CSNK1G3: variants seen among roughly 807,000 people sequenced by gnomAD.
CSNK1G3 encodes the protein casein kinase 1 gamma 3.
Under a neutral mutation model 64.3 loss-of-function variants are expected in CSNK1G3, and 23 were observed. The observed-to-expected ratio is 0.36, with a 90% CI of 0.26 to 0.51. The LOEUF (loss-of-function observed/expected upper bound fraction) is 0.51, where lower values mean the gene tolerates loss of function less well. CSNK1G3 is among the 20% of genes least tolerant of loss of function. The probability of loss-of-function intolerance (pLI) is 0.96; values close to 1 mark genes in which losing one functional copy is unlikely to be tolerated. For missense variants in CSNK1G3, 357 were observed against 510.5 expected (o/e 0.70, Z 2.90); for synonymous variants, 158 against 162.2 (o/e 0.97, Z 0.20).
At chr5:123,603,663 A>G (rs1794864607) in intron 10 of CSNK1G3, among the ~76,000 whole-genome samples, 1 of 152,146 alleles carries the variant, frequency 6.6e-6, no homozygotes, top group Admixed American at 6.6e-5. Context: ...GTGTGATAGA[A>G]AAGGCCTGTC....
chr5:123,555,663 T>G (rs1227527837), intron 3 of CSNK1G3, among the ~76,000 whole-genome samples: 3 of 152,276 alleles, frequency 2.0e-5, no homozygotes, highest in Admixed American at 6.5e-5. Flanking sequence ...TTATATCTTG[T>G]TGTACATGAA....
chr5:123,526,689 T>G (rs1409666737), intron 1 of CSNK1G3, among the ~76,000 whole-genome samples: 1 of 152,218 alleles, frequency 6.6e-6, no homozygotes, highest in East Asian at 1.9e-4. Flanking sequence ...GATTCTGGCT[T>G]CTTTCACTTT....
At chr5:123,542,849 AGTGTGTGTGTGTGTGT>A (rs66645709) in intron 1 of CSNK1G3, among the ~76,000 whole-genome samples, 7 of 134,848 alleles carry the variant, frequency 5.2e-5, no homozygotes, top group Non-Finnish European at 1.1e-4. Flanking sequence ...GCCTAGATTT[AGTGTGTGTGTGTGTGT>A]GTGTGTGTGT....
At chr5:123,533,232 C>G (rs1780226897) in intron 1 of CSNK1G3, among the ~76,000 whole-genome samples, 1 of 151,876 alleles carries the variant, frequency 6.6e-6, no homozygotes, top group South Asian at 2.1e-4. Context: ...TTTACCTTAC[C>G]TATTTCCCAT....
chr5:123,545,114 T>C (rs796870406), intron 1 of CSNK1G3, among the ~76,000 whole-genome samples: 26 of 152,278 alleles, frequency 1.7e-4, no homozygotes, highest in African/African-American at 6.0e-4. Context: ...TTTTGTCTAA[T>C]TGAGGTAATT....
chr5:123,599,396 A>G (rs1233022558), intron 10 of CSNK1G3, among the ~76,000 whole-genome samples: 1 of 152,232 alleles, frequency 6.6e-6, no homozygotes, highest in Non-Finnish European at 1.5e-5. Context: ...TGTTGAGGAA[A>G]ACGAAAGAAT....
chr5:123,613,125 A>T (rs1007405137), intron 12 of CSNK1G3, among the ~76,000 whole-genome samples: 7 of 151,418 alleles, frequency 4.6e-5, no homozygotes, highest in African/African-American at 1.7e-4. Context: ...AAAATGCCAT[A>T]CCTTCATGCC....
intron 3 of CSNK1G3, among the ~76,000 whole-genome samples, chr5:123,556,703 T>C (rs1427502412): frequency 1.3e-5 from 2 of 152,090 alleles, no homozygotes; most frequent in African/African-American, 2.4e-5. Flanking sequence ...TTTCTACTTC[T>C]TGTATTTTCA....
At chr5:123,582,543 T>C (rs1790497909) in intron 6 of CSNK1G3, among the ~76,000 whole-genome samples, 1 of 152,224 alleles carries the variant, frequency 6.6e-6, no homozygotes, top group African/African-American at 2.4e-5. Flanking sequence ...TAATGGACTA[T>C]GTACCTTTTT....
intron 4 of CSNK1G3, among the ~76,000 whole-genome samples, chr5:123,559,750 A>G (rs961379632): frequency 3.1e-5 from 4 of 130,874 alleles, no homozygotes; most frequent in African/African-American, 1.1e-4. Flanking sequence ...AAGCATTTTT[A>G]AGTACCTTTG....
chr5:123,553,414 AT>A (rs1257903686), intron 3 of CSNK1G3, among the ~76,000 whole-genome samples: 1 of 152,164 alleles, frequency 6.6e-6, no homozygotes, highest in Non-Finnish European at 1.5e-5. Context: ...TCTTGGCCCT[AT>A]TTTTAATTTA....
At chr5:123,532,267 A>C (rs551042692) in intron 1 of CSNK1G3, among the ~76,000 whole-genome samples, 1 of 151,880 alleles carries the variant, frequency 6.6e-6, no homozygotes, top group African/African-American at 2.4e-5. Flanking sequence ...TATTAGTATT[A>C]CATAGTTTTA....
At chr5:123,582,676 G>C (rs1355685262) in intron 6 of CSNK1G3, among the ~76,000 whole-genome samples, 1 of 152,060 alleles carries the variant, frequency 6.6e-6, no homozygotes, top group Non-Finnish European at 1.5e-5. Context: ...TGGCCTTGTG[G>C]AAAAACATTC....
At chr5:123,594,675 G>A (rs1419598981) in intron 10 of CSNK1G3, among the ~76,000 whole-genome samples, 1 of 152,072 alleles carries the variant, frequency 6.6e-6, no homozygotes, top group African/African-American at 2.4e-5. Context: ...AATATAGTGG[G>A]TGGACTTCTA....
At chr5:123,517,947 A>AG (rs1207140719) in intron 1 of CSNK1G3, among the ~76,000 whole-genome samples, 3 of 151,890 alleles carry the variant, frequency 2.0e-5, no homozygotes, top group Non-Finnish European at 4.4e-5. Context: ...AAAAAAAAAA[A>AG]AGGAAGATCC....
chr5:123,552,373 T>G (rs1783850764), intron 2 of CSNK1G3, among the ~76,000 whole-genome samples: 1 of 152,172 alleles, frequency 6.6e-6, no homozygotes, highest in African/African-American at 2.4e-5. Context: ...CTTGAACTCC[T>G]GACTTCATGA....
At chr5:123,575,653 G>C in intron 5 of CSNK1G3, 76 bp from the exon 6 acceptor site, 5 of 810,822 alleles carry the variant, frequency 6.2e-6, no homozygotes, top group Non-Finnish European at 1.0e-5. Flanking sequence ...TTTTCATTCT[G>C]TCTTGCCTTT....
At chr5:123,523,244 A>T (rs1778460208) in intron 1 of CSNK1G3, among the ~76,000 whole-genome samples, 1 of 152,100 alleles carries the variant, frequency 6.6e-6, no homozygotes, top group Non-Finnish European at 1.5e-5. Flanking sequence ...TATTGTGTTT[A>T]TTGCATATAG....
intron 4 of CSNK1G3, among the ~76,000 whole-genome samples, chr5:123,570,296 A>C (rs941712435): frequency 6.6e-6 from 1 of 152,002 alleles, no homozygotes; most frequent in Non-Finnish European, 1.5e-5. Context: ...AACTATTGGG[A>C]ATATAGATGG....
Sources: allele counts gnomAD v4.1 joint callset (sites outside exome capture counted in the v4.1 genomes callset), GRCh38; gene constraint gnomAD v4.1.1; transcripts MANE v1.5; gene names NCBI Gene and HGNC (gene_info 2026-07-23, HGNC 2026-07-21).